DST: variants seen among roughly 807,000 people sequenced by gnomAD.
The protein encoded by DST is bullous pemphigoid antigen.
A neutral mutation model predicts 875.2 loss-of-function variants in DST; 253 were observed. The ratio of observed to expected loss-of-function variants is 0.29; its 90% CI spans 0.26 to 0.32. DST has a LOEUF of 0.32. Ranked by LOEUF, DST falls within the 10% of genes least tolerant of loss-of-function variation. The probability of loss-of-function intolerance (pLI) is 1.00; values close to 1 mark genes in which losing one functional copy is unlikely to be tolerated. For missense variants in DST, 8,287 were observed against 9,111.6 expected, an observed-to-expected ratio of 0.91 and a Z score of 3.68; for synonymous variants, 3,124 against 3,197.1, an observed-to-expected ratio of 0.98 and a Z score of 0.77.
chr6:56,621,027 G>A (rs1054721432), intron 36 of DST, among the ~76,000 whole-genome samples: 13 of 152,198 alleles, frequency 8.5e-5, no homozygotes, highest in Non-Finnish European at 5.9e-5. Context: ...AGGAAAGGGA[G>A]AAACGAGGAG....
chr6:56,661,386 G>A lies in DST; in HGVS notation c.1214+9255C>T, dbSNP rs144682179. On this transcript the variant is annotated intron_variant, in intron 10 of 103. Transcript: ENST00000680361. ...GTAAGAGAATGCTAAAGGGAAACATGACAAAGGCAGGACTTGTCAAGTTTC... is the reference window on the plus strand; with the variant it reads ...GTAAGAGAATGCTAAAGGGAAACATAACAAAGGCAGGACTTGTCAAGTTTC... 3.4e-3 allele frequency among the ~76,000 whole-genome samples: 513 copies of A among 152,292 alleles called. 1 individual carries two copies. The highest frequency in any genetic ancestry group is 5.0e-3 in the Admixed American group (77 of 15,296).
At position 56,608,223 on chromosome 6, in the gene DST, T is replaced by G. The variant is rs749178442; in HGVS notation, c.6405A>C (p.Ala2135=). Residue 2135 remains alanine (A), a synonymous_variant, in exon 40 of 104, where the codon GCA becomes GCC. Coordinates refer to ENST00000680361, the MANE Select transcript of DST (RefSeq NM_001374736.1). ...KQLGIIDNNT[A]SILKNITLPD... is the part of the protein sequence containing the mutation. ...GCAGTGTTATATTTTTTAAAATTGATGCTGTGTTGTTGTCTATAATTCCTA... is the reference window on the plus strand; with the variant it reads ...GCAGTGTTATATTTTTTAAAATTGAGGCTGTGTTGTTGTCTATAATTCCTA... 3 of 1,613,706 alleles carry G rather than the reference T, an allele frequency of 1.9e-6. No individual in the cohort carries two copies. The highest frequency in any genetic ancestry group is 2.5e-6 in the Non-Finnish European group (3 of 1,179,764).
Position 56,593,516 on chromosome 6 carries a change from C to CAAAAAAAAAAAAAAAA in DST, c.12726+131_12726+146dup, listed in dbSNP as rs58251502. On this transcript the variant is annotated intron_variant, in intron 48 of 103. Transcript: ENST00000680361. ...TGGGCGACAGAGTGAGACTCCTTCT[C>CAAAAAAAAAAAAAAAA]AAAAAAAAAAAAAAAAATAGAAGTA... is the stretch of plus-strand genomic sequence containing the variant. 19 of 319,316 alleles carry CAAAAAAAAAAAAAAAA rather than the reference C, an allele frequency of 6.0e-5. 1 individual carries two copies. Among genetic ancestry groups the CAAAAAAAAAAAAAAAA allele is most frequent in the African/African-American group, 4.7e-4 (12 of 25,776 alleles). The allele number at this position is 319,316 out of a possible 1,614,324, so 19.8% of individuals were successfully genotyped here.
At chr6:56,499,816 T>TA (rs1280454141) in intron 80 of DST, among the ~76,000 whole-genome samples, 5 of 152,152 alleles carry the variant, frequency 3.3e-5, no homozygotes, top group South Asian at 2.1e-4. Flanking sequence ...GATAGGTTTA[T>TA]AAAAATGTAA....
At chr6:56,901,393 G>C (rs976608149) in intron 2 of DST, among the ~76,000 whole-genome samples, 5 of 152,098 alleles carry the variant, frequency 3.3e-5, no homozygotes, top group African/African-American at 7.2e-5. Context: ...GTCAGGAGTT[G>C]GAGACCAGCC....
rs1011880728 is a variant in DST at position 56,497,880 on chromosome 6, C to T, written c.20070G>A (p.Gln6690=). ...CCTGGCGCAAGGCACCATCCAGCTG[C>T]TGCTTCCTTTGTTCTGTTTTTTCCA... is the stretch of plus-strand genomic sequence containing the variant. ...NVLEKTEQRK[Q]QLDGALRQAK... Residue 6690 remains glutamine (Q), a synonymous_variant, in exon 81 of 104, where the codon CAG becomes CAA. Coordinates refer to ENST00000680361, the MANE Select transcript of DST (RefSeq NM_001374736.1). 1 of 1,611,818 alleles carries T rather than the reference C, an allele frequency of 6.2e-7. No homozygotes were observed.
chr6:56,938,558 T>G (rs1055573882), intron 2 of DST, among the ~76,000 whole-genome samples: 1 of 152,206 alleles, frequency 6.6e-6, no homozygotes, highest in African/African-American at 2.4e-5. Context: ...ACTTTAGGGA[T>G]AGCAGACAGT....
chr6:56,651,810 C>T (rs2098977400), intron 10 of DST, among the ~76,000 whole-genome samples: 2 of 152,170 alleles, frequency 1.3e-5, no homozygotes, highest in Admixed American at 1.3e-4. Flanking sequence ...CTGCACCCCA[C>T]GATATGGCAC....
chr6:56,752,677 G>T (rs531513187), intron 4 of DST, among the ~76,000 whole-genome samples: 7 of 152,264 alleles, frequency 4.6e-5, no homozygotes, highest in South Asian at 2.1e-4. Context: ...TTATGGAGAG[G>T]CATTTGACTG....
At chr6:56,656,395 G>A (rs1047361797) in intron 10 of DST, among the ~76,000 whole-genome samples, 4 of 152,164 alleles carry the variant, frequency 2.6e-5, no homozygotes, top group African/African-American at 9.7e-5. Context: ...TTCAGCTTCT[G>A]ATAATGTTGC....
chr6:56,749,802 T>C lies in DST; in HGVS notation c.626-14513A>G, dbSNP rs376070490. Among the ~76,000 whole-genome samples, 26 of 152,342 alleles carry C rather than the reference T, an allele frequency of 1.7e-4. No individual in the cohort carries two copies. The East Asian group carries it at 3.3e-3, about 19-fold the overall frequency. Reference sequence around the variant, plus strand: ...TGGAGAACACCAAAGACAACTGCTCTGAACCACTGGAAAAAATTTTCATTC... The same window carrying C: ...TGGAGAACACCAAAGACAACTGCTCCGAACCACTGGAAAAAATTTTCATTC... On this transcript the variant is annotated intron_variant, in intron 4 of 103. Coordinates refer to ENST00000680361, the MANE Select transcript of DST (RefSeq NM_001374736.1).
intron 4 of DST, among the ~76,000 whole-genome samples, chr6:56,816,394 C>A (rs960276568): frequency 6.6e-6 from 1 of 152,108 alleles, no homozygotes; most frequent in East Asian, 1.9e-4. Flanking sequence ...GTTTCTACAG[C>A]CCCTTTAATA....
rs1490913158 is a variant in DST at position 56,555,779 on chromosome 6, T to G, written c.14702A>C (p.Gln4901Pro). Residue 4901 changes from glutamine (Q) to proline (P), a missense_variant, in exon 60 of 104, where the codon CAG becomes CCG. Physicochemically the swap from Gln to Pro is moderately conservative, Grantham distance 76. Transcript: ENST00000680361. ...PQYEQLTAAG[Q>P]GILSRPGEDP... is the part of the protein sequence containing the mutation. ...TTCTCCAGGCCTGCTCAGAATGCCC[T>G]GACCAGCTGCTGTCAGCTGTTCATA... 5 of 1,572,222 alleles carry G rather than the reference T, an allele frequency of 3.2e-6. No individual in the cohort carries two copies. Among genetic ancestry groups the G allele is most frequent in the African/African-American group, 1.4e-5 (1 of 73,960 alleles).
At chr6:56,638,183 C>T (rs1304495583) in intron 22 of DST, among the ~76,000 whole-genome samples, 1 of 151,932 alleles carries the variant, frequency 6.6e-6, no homozygotes, top group African/African-American at 2.4e-5. Context: ...AAATTCTTGG[C>T]CCATAATAGT....
rs1248957587 is a variant in DST at position 56,605,715 on chromosome 6, T to G, written c.8913A>C (p.Glu2971Asp). The G allele has an allele frequency of 6.2e-7, 1 of 1,612,902 alleles. No homozygotes were observed. The highest frequency in any genetic ancestry group is 1.7e-5 in the Admixed American group (1 of 59,866). The change falls in exon 40 of 104, where the codon GAA (glutamate) becomes GAC (aspartate). Residue 2971 changes from glutamate to aspartate, a missense_variant. Glu to Asp is a conservative substitution (Grantham distance 45). This residue lies in a region of DST where 3,138 missense variants were observed against 3,116.6 expected (regional missense o/e 1.01). Transcript: ENST00000680361. Reference sequence around the variant, plus strand: ...CTTTACCTTTCACAGAATCAGTCAATTCTGGCAATTCTGACCCTTGAATCA... The same window carrying G: ...CTTTACCTTTCACAGAATCAGTCAAGTCTGGCAATTCTGACCCTTGAATCA... ...VKLIQGSELPELTDSVKGKDE... is the reference protein window; with the variant it reads ...VKLIQGSELPDLTDSVKGKDE...
intron 102 of DST, chr6:56,461,723 C>T (rs1251937633): frequency 6.6e-6 from 1 of 152,200 alleles, no homozygotes; most frequent in Admixed American, 6.5e-5. Flanking sequence ...GCATCATAGC[C>T]TTCAATATTT....
chr6:56,798,143 G>C (rs918142827), intron 4 of DST, among the ~76,000 whole-genome samples: 2 of 152,176 alleles, frequency 1.3e-5, no homozygotes, highest in African/African-American at 2.4e-5. Context: ...CATTGATGAA[G>C]GTGAATCTAA....
In DST at chr6:56,608,816, T is replaced by C. The variant is rs1248987907; in HGVS notation, c.5812A>G (p.Ser1938Gly). 2.5e-6 allele frequency: 4 copies of C among 1,611,602 alleles called. No individual in the cohort carries two copies. Among genetic ancestry groups the C allele is most frequent in the Non-Finnish European group, 3.4e-6 (4 of 1,178,608 alleles). ...KVSLIDMVQR[S>G]TLQENTGMWL... The stretch of plus-strand genomic sequence containing the variant: ...ATCCCTGTGTTTTCCTGTAAAGTAC[T>C]TCTTTGTACCATATCTATTAAAGAA... Residue 1938 changes from serine (S) to glycine (G), a missense_variant, in exon 40 of 104, where the codon AGT becomes GGT. Coordinates refer to ENST00000680361, the MANE Select transcript of DST (RefSeq NM_001374736.1).
chr6:56,605,522 T>G lies in DST; in HGVS notation c.9106A>C (p.Arg3036=). 1 of 1,613,026 alleles carries G rather than the reference T, an allele frequency of 6.2e-7. No homozygotes were observed. Among genetic ancestry groups the G allele is most frequent in the East Asian group, 2.2e-5 (1 of 44,846 alleles). Residue 3036 remains arginine, a synonymous_variant, in exon 40 of 104, where the codon AGA becomes CGA. Coordinates refer to ENST00000680361, the MANE Select transcript of DST (RefSeq NM_001374736.1). The part of the protein sequence containing the change: ...QGNGSDLIKG[R]DGKSDILIED... ...ATTAGAATATCACTTTTGCCATCTC[T>G]CCCTTTAATGAGATCGCTTCCATTT...
Sources: gnomAD v4.1 joint callset for allele counts (sites outside exome capture counted in the v4.1 genomes callset) on GRCh38, gnomAD v4.1.1 for gene constraint, gnomAD v4.1.1 regional missense constraint, MANE v1.5 for transcripts, NCBI Gene and HGNC (gene_info 2026-07-23, HGNC 2026-07-21) for gene names.